Variants in NME9 observed in about 807,000 individuals in gnomAD.
The protein encoded by NME9 is NME/NM23 family member 9.
Under a neutral mutation model 44.4 loss-of-function variants are expected in NME9, and 48 were observed. The observed-to-expected ratio is 1.08, with a 90% CI of 0.86 to 1.37. NME9 has a LOEUF of 1.37. NME9 is among the 40% of genes most tolerant of loss of function. NME9 has a pLI of 0.00. For missense variants in NME9, 325 were observed against 405.2 expected (o/e 0.80, Z 1.70); for synonymous variants, 139 against 147.1 (o/e 0.94, Z 0.40).
chr3:138,297,131 G>A (rs977221410), downstream of NME9: 6 of 152,186 alleles, frequency 3.9e-5, no homozygotes, highest in African/African-American at 1.4e-4. Flanking sequence ...TTTGTAAAAC[G>A]AGATTGAAAT....
intron 8 of NME9, among the ~76,000 whole-genome samples, chr3:138,286,454 A>G (rs1577026914): frequency 6.6e-6 from 1 of 152,078 alleles, no homozygotes; most frequent in East Asian, 1.9e-4. Flanking sequence ...CCAGCTGACT[A>G]TTTCCTCCTC....
chr3:138,321,334 C>T (rs2053450781), intron 2 of NME9, among the ~76,000 whole-genome samples: 1 of 152,212 alleles, frequency 6.6e-6, no homozygotes. Context: ...CAGGTAAGGG[C>T]TGCATCCTCT....
At chr3:138,320,750 C>T (rs1286822301) in intron 2 of NME9, among the ~76,000 whole-genome samples, 2 of 152,128 alleles carry the variant, frequency 1.3e-5, no homozygotes, top group Non-Finnish European at 2.9e-5. Context: ...AAAGGATGGG[C>T]AGCCAGGCAC....
At chr3:138,310,684 TAAA>T (rs1228007845) in intron 6 of NME9, among the ~76,000 whole-genome samples, 1 of 151,870 alleles carries the variant, frequency 6.6e-6, no homozygotes, top group African/African-American at 2.4e-5. Context: ...GAGAATAAAT[TAAA>T]AAGGGAAATT....
intron 5 of NME9, among the ~76,000 whole-genome samples, chr3:138,315,253 A>G (rs1196467889): frequency 6.6e-6 from 1 of 152,180 alleles, no homozygotes; most frequent in East Asian, 1.9e-4. Context: ...CTTGATTTTC[A>G]TTTCTGAATT....
At position 138,301,534 on chromosome 3, in the gene NME9, C is replaced by G. The variant is rs1016625157; in HGVS notation, c.*106G>C. ...TATTTTCATTGTCTACAAAAGACAG[C>G]TAAACCAAAAAGTATTGGTACTCAA... is the stretch of plus-strand genomic sequence containing the variant. On this transcript the variant is annotated 3_prime_UTR_variant, in exon 11 of 11. Coordinates refer to ENST00000333911, the MANE Select transcript of NME9 (RefSeq NM_001349018.2). 2 of 1,488,336 alleles carry G rather than the reference C, an allele frequency of 1.3e-6. No homozygotes were observed. Among genetic ancestry groups the G allele is most frequent in the African/African-American group, 2.8e-5 (2 of 71,298 alleles). The allele number at this position is 1,488,336 out of a possible 1,614,324, so 92.2% of individuals were successfully genotyped here. A position where few individuals can be genotyped will look rare whatever the true frequency, so the allele number is the denominator to read the frequency against.
intron 10 of NME9, among the ~76,000 whole-genome samples, chr3:138,302,747 A>T (rs1301532862): frequency 2.6e-5 from 4 of 152,206 alleles, no homozygotes; most frequent in Non-Finnish European, 4.4e-5. Flanking sequence ...AAACCCAAAC[A>T]TTTAGACACA....
At chr3:138,300,215 C>T (rs566191088), downstream of NME9, among the ~76,000 whole-genome samples, 7 of 152,108 alleles carry the variant, frequency 4.6e-5, no homozygotes, top group Non-Finnish European at 7.4e-5. Flanking sequence ...AGGGGTGGCA[C>T]GAGGTCCTGG....
In NME9 at chr3:138,310,081, A is replaced by G. The variant is rs896018610; in HGVS notation, c.461-3601T>C. 3.9e-5 allele frequency among the ~76,000 whole-genome samples: 6 copies of G among 152,112 alleles called. No homozygotes were observed. In the South Asian group the frequency reaches 1.2e-3, roughly 32 times the overall value. ...TGCCTACAAGAAACCCACTTTACCTATAAAGACACATAGACTGAAAGTGAA... is the reference window on the plus strand; with the variant it reads ...TGCCTACAAGAAACCCACTTTACCTGTAAAGACACATAGACTGAAAGTGAA... On this transcript the variant is annotated intron_variant, in intron 6 of 10. Coordinates refer to ENST00000333911, the MANE Select transcript of NME9 (RefSeq NM_001349018.2).
chr3:138,279,421 T>A (rs2108335181), intron 8 of NME9, among the ~76,000 whole-genome samples: 1 of 152,326 alleles, frequency 6.6e-6, no homozygotes, highest in East Asian at 1.9e-4. Context: ...GTATTATCCT[T>A]TAGATATATT....
At chr3:138,277,121 C>G (rs1453637931) in intron 8 of NME9, among the ~76,000 whole-genome samples, 1 of 152,020 alleles carries the variant, frequency 6.6e-6, no homozygotes, top group East Asian at 1.9e-4. Flanking sequence ...AGAAATAGAC[C>G]CACACATATA....
At chr3:138,280,730 G>A (rs2049821081) in intron 8 of NME9, among the ~76,000 whole-genome samples, 1 of 151,738 alleles carries the variant, frequency 6.6e-6, no homozygotes, top group Non-Finnish European at 1.5e-5. Context: ...CGAACCTAGT[G>A]ATCCACCCAC....
rs1014725707 is a variant in NME9 at position 138,262,716 on chromosome 3, C to T, written c.746-130G>A. On this transcript the variant is annotated intron_variant, in intron 8 of 8. Transcript: ENST00000317876. ...AAAATCTCCCCAGGTAATTCTTCTG[C>T]AAGGACAACCAAGGTTAAGATCTAT... is the stretch of plus-strand genomic sequence containing the variant. The T allele has an allele frequency of 3.6e-5, 32 of 882,754 alleles. No individual in the cohort carries two copies. The Middle Eastern group carries it at 9.9e-4, about 27-fold the overall frequency. The allele number at this position is 882,754 out of a possible 1,614,324, so 54.7% of individuals were successfully genotyped here.
downstream of NME9, among the ~76,000 whole-genome samples, chr3:138,299,238 A>C (rs1417113506): frequency 6.6e-6 from 1 of 152,016 alleles, no homozygotes; most frequent in African/African-American, 2.4e-5. Flanking sequence ...CCCAAGGGCC[A>C]CTGAGTGGAC....
rs747334583 is a variant in NME9, at chr3:138,315,605, G to T, written c.306C>A (p.Ala102=). 212 of 1,536,544 alleles carry T rather than the reference G, an allele frequency of 1.4e-4. No individual in the cohort carries two copies. The highest frequency in any genetic ancestry group is 1.8e-4 in the Non-Finnish European group (204 of 1,147,014). ...ELVAVVRGAN[A]PLLQKTILDQ... ...CTAGGATGGTTTTCTGCAGCAGTGG[G>T]GCATTTGCTCCTCTAACCACAGCCA... The change falls in exon 5 of 11, where the codon GCC becomes GCA. Residue 102 remains alanine (A), a synonymous_variant. Transcript: ENST00000333911.
chr3:138,270,886 T>G (rs548273888), intron 8 of NME9, among the ~76,000 whole-genome samples: 1 of 152,332 alleles, frequency 6.6e-6, no homozygotes, highest in East Asian at 1.9e-4. Flanking sequence ...AAAACATATT[T>G]ATACTATTTA....
At chr3:138,311,763 A>T (rs1334313041) in intron 6 of NME9, among the ~76,000 whole-genome samples, 1 of 152,162 alleles carries the variant, frequency 6.6e-6, no homozygotes, top group Non-Finnish European at 1.5e-5. Context: ...AGCCATGTAT[A>T]ACAAACCCAC....
intron 3 of NME9, among the ~76,000 whole-genome samples, chr3:138,318,732 C>A (rs1402807170): frequency 2.0e-5 from 3 of 152,146 alleles, no homozygotes; most frequent in African/African-American, 7.2e-5. Flanking sequence ...AACCTCAAAC[C>A]CATGCAGCAT....
At chr3:138,284,913 C>G (rs1425171133) in intron 8 of NME9, among the ~76,000 whole-genome samples, 3 of 152,218 alleles carry the variant, frequency 2.0e-5, no homozygotes, top group Admixed American at 2.0e-4. Flanking sequence ...CTGTTTGCTT[C>G]TAAACAATCT....
Sources: gnomAD v4.1 joint callset for allele counts (sites outside exome capture counted in the v4.1 genomes callset) on GRCh38, gnomAD v4.1.1 for gene constraint, MANE v1.5 for transcripts, NCBI Gene and HGNC (gene_info 2026-07-23, HGNC 2026-07-21) for gene names.